ASAP1: variants seen among roughly 807,000 people sequenced by gnomAD.
The protein encoded by ASAP1 is arf-GAP with SH3 domain, ANK repeat and PH domain-containing protein 1.
A neutral mutation model predicts 145.2 loss-of-function variants in ASAP1; 43 were observed. The ratio of observed to expected loss-of-function variants is 0.30; its 90% CI spans 0.23 to 0.38. The LOEUF is 0.38. Among genes scored for constraint, ASAP1 ranks in the 10% least tolerant of loss-of-function variants. The pLI is 1.00. For missense variants in ASAP1, 1,018 were observed against 1,355.3 expected, an observed-to-expected ratio of 0.75 and a Z score of 3.91; for synonymous variants, 546 against 515.5, an observed-to-expected ratio of 1.06 and a Z score of -0.80.
At chr8:130,279,811 T>C (rs2137168951) in intron 3 of ASAP1, among the ~76,000 whole-genome samples, 1 of 152,298 alleles carries the variant, frequency 6.6e-6, no homozygotes, top group African/African-American at 2.4e-5. Context: ...AGGAAACCGG[T>C]CCACTAAAAT....
intron 3 of ASAP1, among the ~76,000 whole-genome samples, chr8:130,357,172 A>C (rs1188343343): frequency 6.6e-6 from 1 of 152,080 alleles, no homozygotes; most frequent in African/African-American, 2.4e-5. Context: ...TGAAAATCCT[A>C]AAGAAAATCG....
intron 4 of ASAP1, among the ~76,000 whole-genome samples, chr8:130,230,478 C>T (rs1817847468): frequency 2.0e-5 from 3 of 152,130 alleles, no homozygotes; most frequent in Non-Finnish European, 4.4e-5. Flanking sequence ...GAGTAATGCT[C>T]TCCTGGGTAA....
chr8:130,197,588 A>G (rs561137781), intron 5 of ASAP1, among the ~76,000 whole-genome samples: 2 of 152,196 alleles, frequency 1.3e-5, no homozygotes, highest in South Asian at 4.1e-4. Flanking sequence ...GGCCAAACAC[A>G]CGCAGTTAGC....
intron 2 of ASAP1, among the ~76,000 whole-genome samples, chr8:130,373,005 G>C (rs7818969): frequency 7.1e-6 from 1 of 140,780 alleles, no homozygotes; most frequent in Non-Finnish European, 1.5e-5. Flanking sequence ...CACAGACACA[G>C]ACACACATAC....
At chr8:130,410,947 G>A (rs1013303383) in intron 1 of ASAP1, among the ~76,000 whole-genome samples, 11 of 152,156 alleles carry the variant, frequency 7.2e-5, no homozygotes, top group African/African-American at 1.4e-4. Context: ...TGCAACCTCC[G>A]TCTCCCGGGT....
At chr8:130,301,680 C>T (rs923054338) in intron 3 of ASAP1, among the ~76,000 whole-genome samples, 1 of 152,146 alleles carries the variant, frequency 6.6e-6, no homozygotes, top group Non-Finnish European at 1.5e-5. Flanking sequence ...AGAAATATAT[C>T]CTACAATATT....
At chr8:130,403,554 C>CTTTTTT (rs372481861) in intron 1 of ASAP1, among the ~76,000 whole-genome samples, 158 of 125,316 alleles carry the variant, frequency 1.3e-3, no homozygotes, top group Non-Finnish European at 1.7e-3. Flanking sequence ...TTTTCTTTTT[C>CTTTTTT]TTTTTTTTTT....
Position 130,093,666 on chromosome 8 carries a change from CAAA to C in ASAP1, c.2402-1526_2402-1524del, listed in dbSNP as rs71572317. Among the ~76,000 whole-genome samples the C allele has an allele frequency of 9.6e-5, 5 of 52,200 alleles. No individual in the cohort carries two copies. In the South Asian group the frequency reaches 3.0e-3, roughly 31 times the overall value. 34.2% of individuals were successfully genotyped at this position (52,200 alleles called of 152,430 possible). On this transcript the variant is annotated intron_variant, in intron 24 of 29. Transcript: ENST00000518721. The stretch of plus-strand genomic sequence containing the variant: ...TGGCTGTCACAGCGAGACTCCGTCT[CAAA>C]AAAAAAAAAAAAAAAAAAAAGAAAG...
chr8:130,064,712 T>G (rs2097426683), intron 27 of ASAP1, among the ~76,000 whole-genome samples: 1 of 152,088 alleles, frequency 6.6e-6, no homozygotes, highest in African/African-American at 2.4e-5. Context: ...TCCCACAGCT[T>G]GAGGCTCAGT....
chr8:130,371,504 C>T (rs1827212895), intron 2 of ASAP1, among the ~76,000 whole-genome samples: 1 of 152,238 alleles, frequency 6.6e-6, no homozygotes, highest in Non-Finnish European at 1.5e-5. Flanking sequence ...GCCTCCCTTA[C>T]AGCTAAGGTG....
intron 3 of ASAP1, among the ~76,000 whole-genome samples, chr8:130,278,433 G>A (rs768726386): frequency 2.6e-5 from 4 of 152,034 alleles, no homozygotes; most frequent in African/African-American, 4.8e-5. Context: ...TGCACTTTTT[G>A]TTGACATCAA....
intron 19 of ASAP1, 102 bp from the exon 20 acceptor site, chr8:130,118,348 C>T (rs10956511): frequency 0.34 from 435,563 of 1,299,472 alleles, 76,837 homozygotes; most frequent in East Asian, 0.65. Flanking sequence ...GAGCACACCT[C>T]TTCACTCTCA....
chr8:130,265,634 G>A (rs1298453384), intron 3 of ASAP1, among the ~76,000 whole-genome samples: 3 of 151,764 alleles, frequency 2.0e-5, no homozygotes, highest in Non-Finnish European at 4.4e-5. Context: ...CAGCACTTTG[G>A]AAGATTGAGG....
chr8:130,365,551 A>G lies in ASAP1; in HGVS notation c.60-7408T>C, dbSNP rs1202280740. Reference sequence around the variant, plus strand: ...ACCTGAAAAATGAGAAAAACTTACAATACACCCAGGTTTCTTTGATGAATT... The same window carrying G: ...ACCTGAAAAATGAGAAAAACTTACAGTACACCCAGGTTTCTTTGATGAATT... On this transcript the variant is annotated intron_variant, in intron 2 of 29. Transcript: ENST00000518721. Among the ~76,000 whole-genome samples, 4 of 152,334 alleles carry G rather than the reference A, an allele frequency of 2.6e-5. No homozygotes were observed. The East Asian group carries it at 7.7e-4, about 29-fold the overall frequency.
At chr8:130,269,606 A>C (rs1820469103) in intron 3 of ASAP1, among the ~76,000 whole-genome samples, 2 of 152,210 alleles carry the variant, frequency 1.3e-5, no homozygotes, top group African/African-American at 2.4e-5. Context: ...TTAGTGTAGC[A>C]AACCTAGGTT....
intron 3 of ASAP1, among the ~76,000 whole-genome samples, chr8:130,329,832 G>A (rs997882734): frequency 6.6e-6 from 1 of 152,166 alleles, no homozygotes; most frequent in Non-Finnish European, 1.5e-5. Flanking sequence ...TCTCCTTGGA[G>A]GAAAACCACA....
chr8:130,068,682 C>G (rs768904922), intron 27 of ASAP1, among the ~76,000 whole-genome samples: 7 of 152,170 alleles, frequency 4.6e-5, no homozygotes, highest in African/African-American at 1.7e-4. Flanking sequence ...CTTGGTGGAA[C>G]AGATAAAAGC....
intron 3 of ASAP1, among the ~76,000 whole-genome samples, chr8:130,301,127 A>G (rs1469852763): frequency 6.6e-6 from 1 of 152,224 alleles, no homozygotes; most frequent in Non-Finnish European, 1.5e-5. Context: ...AGCAGAGGAC[A>G]TGAGAAATAG....
intron 27 of ASAP1, among the ~76,000 whole-genome samples, chr8:130,067,135 T>C (rs144304642): frequency 6.4e-4 from 97 of 152,314 alleles, no homozygotes; most frequent in African/African-American, 2.0e-3. Context: ...CTATCTCCTA[T>C]AAGGCCCTTT....
Sources: gnomAD v4.1 joint callset for allele counts (sites outside exome capture counted in the v4.1 genomes callset) on GRCh38, gnomAD v4.1.1 for gene constraint, MANE v1.5 for transcripts, NCBI Gene and HGNC (gene_info 2026-07-23, HGNC 2026-07-21) for gene names.